The following SPAG16 variants were observed in gnomAD, a reference collection of about 807,000 sequenced individuals.
The protein encoded by SPAG16 is sperm associated antigen 16, also known as sperm-associated antigen 16 protein.
Under a neutral mutation model 80.4 loss-of-function variants are expected in SPAG16, and 86 were observed. The observed-to-expected ratio is 1.07, with a 90% CI of 0.90 to 1.28. The LOEUF (loss-of-function observed/expected upper bound fraction) is 1.28, where lower values mean the gene tolerates loss of function less well. Among genes scored for constraint, SPAG16 ranks in the 50% most tolerant of loss-of-function variants. SPAG16 has a pLI of 0.00. For synonymous variants in SPAG16, 294 were observed against 265.9 expected, an observed-to-expected ratio of 1.11 and a Z score of -1.03; for missense variants, 870 against 765.3, an observed-to-expected ratio of 1.14 and a Z score of -1.61.
At chr2:214,049,692 C>T (rs182647809) in intron 13 of SPAG16, among the ~76,000 whole-genome samples, 5 of 152,268 alleles carry the variant, frequency 3.3e-5, no homozygotes, top group Admixed American at 2.0e-4. Context: ...TGGGGACCAG[C>T]GGGGCTGCCC....
At chr2:213,421,950 C>T (rs13393815) in intron 9 of SPAG16, among the ~76,000 whole-genome samples, 3,900 of 152,234 alleles carry the variant, frequency 0.026, 163 homozygotes, top group African/African-American at 0.088. Flanking sequence ...CTTTGGGTCT[C>T]CTGAGAGCTG....
intron 13 of SPAG16, among the ~76,000 whole-genome samples, chr2:214,085,758 A>G (rs1046095390): frequency 3.3e-5 from 5 of 152,178 alleles, no homozygotes; most frequent in Admixed American, 3.3e-4. Context: ...ACTGTCTACC[A>G]CACTGAAGGT....
chr2:213,881,732 A>G (rs1483176607), intron 11 of SPAG16, among the ~76,000 whole-genome samples: 5 of 152,228 alleles, frequency 3.3e-5, no homozygotes, highest in African/African-American at 7.2e-5. Flanking sequence ...CCATGATTCA[A>G]TTATCTCCAC....
chr2:213,820,353 C>CG (rs2072864334), intron 10 of SPAG16, among the ~76,000 whole-genome samples: 1 of 151,342 alleles, frequency 6.6e-6, no homozygotes, highest in African/African-American at 2.4e-5. Flanking sequence ...TTTTTGGTAA[C>CG]CTTTTTTTTG....
At chr2:214,267,928 CAA>C (rs1181308447) in intron 15 of SPAG16, among the ~76,000 whole-genome samples, 1 of 151,700 alleles carries the variant, frequency 6.6e-6, no homozygotes. Context: ...ATATATCAAA[CAA>C]GAGGGTAATA....
chr2:213,793,980 T>A (rs1297659806), intron 10 of SPAG16, among the ~76,000 whole-genome samples: 1 of 152,182 alleles, frequency 6.6e-6, no homozygotes, highest in Non-Finnish European at 1.5e-5. Flanking sequence ...TTTAACCACG[T>A]CTTTTGTTCA....
At chr2:213,506,385 G>A (rs1248266281) in intron 10 of SPAG16, among the ~76,000 whole-genome samples, 4 of 152,076 alleles carry the variant, frequency 2.6e-5, no homozygotes, top group Non-Finnish European at 4.4e-5. Flanking sequence ...ATTTCATAAT[G>A]CCAGGATATA....
chr2:213,919,212 T>G (rs767256865), intron 11 of SPAG16, among the ~76,000 whole-genome samples: 1 of 152,142 alleles, frequency 6.6e-6, no homozygotes, highest in Non-Finnish European at 1.5e-5. Context: ...TTTTGTATCT[T>G]ATTAAGTTTT....
intron 13 of SPAG16, among the ~76,000 whole-genome samples, chr2:214,071,809 G>T (rs535090009): frequency 6.6e-6 from 1 of 152,118 alleles, no homozygotes; most frequent in African/African-American, 2.4e-5. Flanking sequence ...CTAGGATGAA[G>T]AACACAATTT....
intron 10 of SPAG16, among the ~76,000 whole-genome samples, chr2:213,567,311 C>G (rs2125998664): frequency 7.3e-6 from 1 of 136,934 alleles, no homozygotes; most frequent in East Asian, 2.1e-4. Flanking sequence ...ATACATGTGC[C>G]ATGCTGGTGC....
intron 10 of SPAG16, among the ~76,000 whole-genome samples, chr2:213,760,379 A>T (rs2068589772): frequency 6.6e-6 from 1 of 152,240 alleles, no homozygotes; most frequent in Admixed American, 6.5e-5. Context: ...AGTTATAACA[A>T]GTATAAACAT....
At chr2:214,265,087 A>T (rs936501934) in intron 15 of SPAG16, among the ~76,000 whole-genome samples, 4 of 152,154 alleles carry the variant, frequency 2.6e-5, no homozygotes, top group Non-Finnish European at 5.9e-5. Flanking sequence ...ATTGCCATAA[A>T]CATCAAGTTT....
intron 9 of SPAG16, among the ~76,000 whole-genome samples, chr2:213,406,914 C>G (rs1052029055): frequency 6.8e-6 from 1 of 147,848 alleles, no homozygotes; most frequent in Non-Finnish European, 1.5e-5. Flanking sequence ...AGGAATAACC[C>G]GAGCTCTCAG....
chr2:213,580,842 A>C (rs574884584), intron 10 of SPAG16, among the ~76,000 whole-genome samples: 1 of 152,120 alleles, frequency 6.6e-6, no homozygotes, highest in Non-Finnish European at 1.5e-5. Context: ...CTTGTCAGAC[A>C]TTTATTTACA....
chr2:213,831,034 CTTTTTTTTTTTT>C (rs34523016), intron 10 of SPAG16, among the ~76,000 whole-genome samples: 2 of 80,798 alleles, frequency 2.5e-5, no homozygotes, highest in Non-Finnish European at 4.8e-5. Context: ...TGAAACATGA[CTTTTTTTTTTTT>C]TTTTTTTTTT....
intron 12 of SPAG16, among the ~76,000 whole-genome samples, chr2:213,953,019 A>G (rs554198162): frequency 1.3e-5 from 2 of 152,198 alleles, no homozygotes; most frequent in East Asian, 3.9e-4. Flanking sequence ...AGAAAATGAT[A>G]TAGAACACAT....
At chr2:213,336,397 C>T (rs1303408028) in intron 5 of SPAG16, among the ~76,000 whole-genome samples, 2 of 152,026 alleles carry the variant, frequency 1.3e-5, no homozygotes, top group African/African-American at 4.8e-5. Context: ...CAAGTGGCCT[C>T]ACTTCCACAG....
At chr2:213,285,363 ACTT>A (rs2062014854) in intron 1 of SPAG16, among the ~76,000 whole-genome samples, 1 of 152,196 alleles carries the variant, frequency 6.6e-6, no homozygotes, top group Non-Finnish European at 1.5e-5. Context: ...AGGCTTTAGA[ACTT>A]CTTTCCTCTA....
At chr2:213,882,518 C>G (rs2106033517) in intron 11 of SPAG16, among the ~76,000 whole-genome samples, 1 of 151,948 alleles carries the variant, frequency 6.6e-6, no homozygotes, top group East Asian at 1.9e-4. Context: ...TTAATCTGTT[C>G]CTGGTTCAAT....
Sources: gnomAD v4.1 joint callset for allele counts (sites outside exome capture counted in the v4.1 genomes callset) on GRCh38, gnomAD v4.1.1 for gene constraint, MANE v1.5 for transcripts, NCBI Gene and HGNC (gene_info 2026-07-23, HGNC 2026-07-21) for gene names.